Variants in DUSP2 observed in about 807,000 individuals in gnomAD.
DUSP2 encodes the protein dual specificity protein phosphatase 2.
A neutral mutation model predicts 23.3 loss-of-function variants in DUSP2; 20 were observed. The observed-to-expected ratio is 0.86, with a 90% CI of 0.60 to 1.25. DUSP2 has a LOEUF of 1.25. DUSP2 is among the 50% of genes most tolerant of loss of function. DUSP2 has a pLI of 0.00. For missense variants in DUSP2, 435 were observed against 452.6 expected (o/e 0.96, Z 0.35); for synonymous variants, 231 against 209.7 (o/e 1.10, Z -0.88).
chr2:96,144,845 C>G lies in DUSP2; in HGVS notation c.426G>C (p.Leu142=), dbSNP rs1307320115. The G allele has an allele frequency of 6.4e-7, 1 of 1,556,840 alleles. No homozygotes were observed. Among genetic ancestry groups the G allele is most frequent in the Non-Finnish European group, 8.7e-7 (1 of 1,150,906 alleles). Reference sequence around the variant, plus strand: ...GCGCAGGGGCGGGGGCCTCAGAGCACAGATCGGGACAGCAGCCCTGGAAGC... The same window carrying G: ...GCGCAGGGGCGGGGGCCTCAGAGCAGAGATCGGGACAGCAGCCCTGGAAGC... ...FDGFQGCCPD[L]CSEAPAPALP... Residue 142 remains leucine (L), a synonymous_variant, in exon 2 of 4, where the codon CTG becomes CTC. Coordinates refer to ENST00000288943, the MANE Select transcript of DUSP2 (RefSeq NM_004418.4).
Position 96,144,793 on chromosome 2 carries a change from G to T in DUSP2, c.478C>A (p.Arg160Ser). The stretch of plus-strand genomic sequence containing the variant: ...TAGACAGGAGCCCTGGAGTCGGAGC[G>T]GCTGGTTTTGTCCCCTGTTGGCGGC... ...ALPPTGDKTSRSDSRAPVYDQ... is the reference protein window; with the variant it reads ...ALPPTGDKTSSSDSRAPVYDQ... The change falls in exon 2 of 4, where the codon CGC becomes AGC. Residue 160 changes from arginine to serine, a missense_variant. Transcript: ENST00000288943. 2 of 1,586,618 alleles carry T rather than the reference G, an allele frequency of 1.3e-6. No homozygotes were observed. Among genetic ancestry groups the T allele is most frequent in the Non-Finnish European group, 1.7e-6 (2 of 1,167,942 alleles).
At chr2:96,144,579 A>G (rs951077415) in intron 2 of DUSP2, 182 bp downstream of exon 2, 1 of 713,306 alleles carries the variant, frequency 1.4e-6, no homozygotes, top group Non-Finnish European at 2.3e-6. Context: ...GCAAACATAC[A>G]CAGACCCATA....
At position 96,143,812 on chromosome 2, in the gene DUSP2, G is replaced by C. The variant is rs752968740; in HGVS notation, c.*11C>G. The C allele has an allele frequency of 4.3e-6, 7 of 1,611,466 alleles. No individual in the cohort carries two copies. The highest frequency in any genetic ancestry group is 5.9e-6 in the Non-Finnish European group (7 of 1,179,412). ...CAGCACAGTGGGGCAGGCAGGCAGA[G>C]GGGCACCACCTCAGTGACACAGCAC... is the stretch of plus-strand genomic sequence containing the variant. On this transcript the variant is annotated 3_prime_UTR_variant, in exon 4 of 4. Transcript: ENST00000288943.
At position 96,145,102 on chromosome 2, in the gene DUSP2, G is replaced by C. The variant is rs551318349; in HGVS notation, c.253C>G (p.Leu85Val). Residue 85 changes from leucine to valine, a missense_variant, in exon 1 of 4, where the codon CTG (leucine) becomes GTG (valine). Coordinates refer to ENST00000288943, the MANE Select transcript of DUSP2 (RefSeq NM_004418.4). Reference protein sequence around the residue: ...ALRTRLVRGELARAVVLDEGS... With the variant: ...ALRTRLVRGEVARAVVLDEGS... The stretch of plus-strand genomic sequence containing the variant: ...TCGTCCAGCACCACGGCCCGCGCCA[G>C]CTCCCCGCGGACCAGGCGCGTCCGC... The C allele has an allele frequency of 2.1e-6, 3 of 1,430,250 alleles. No individual in the cohort carries two copies. The highest frequency in any genetic ancestry group is 2.9e-5 in the Admixed American group (1 of 34,304). The allele number at this position is 1,430,250 out of a possible 1,614,324, so 88.6% of individuals were successfully genotyped here. A position where few individuals can be genotyped will look rare whatever the true frequency, so the allele number is the denominator to read the frequency against.
In DUSP2 at chr2:96,145,117, G is replaced by A. The variant is rs1446065805; in HGVS notation, c.238C>T (p.Leu80=). 5 of 1,373,846 alleles carry A rather than the reference G, an allele frequency of 3.6e-6. No homozygotes were observed. The Admixed American group carries it at 1.2e-4, about 32-fold the overall frequency. 85.1% of individuals were successfully genotyped at this position (1,373,846 alleles called of 1,614,324 possible). Residue 80 remains leucine (L), a synonymous_variant, in exon 1 of 4, where the codon CTG becomes TTG. Transcript: ENST00000288943. ...LLPDRALRTR[L]VRGELARAVV... The stretch of plus-strand genomic sequence containing the variant: ...GCCCGCGCCAGCTCCCCGCGGACCA[G>A]GCGCGTCCGCAGCGCGCGGTCGGGC...
At position 96,145,408 on chromosome 2, in the gene DUSP2, C is replaced by G; in HGVS notation, c.-54G>C. On this transcript the variant is annotated 5_prime_UTR_variant, in exon 1 of 4. Transcript: ENST00000288943. ...CGGTCTTTCCCGCGTCCCGGGCTCT[C>G]GTGGCGGTGGCGCTGCCCGAGCGGT... 1.5e-6 allele frequency: 2 copies of G among 1,308,588 alleles called. No homozygotes were observed. Among genetic ancestry groups the G allele is most frequent in the Non-Finnish European group, 1.9e-6 (2 of 1,027,432 alleles). 81.1% of individuals were successfully genotyped at this position (1,308,588 alleles called of 1,614,324 possible). A position where few individuals can be genotyped will look rare whatever the true frequency, so the allele number is the denominator to read the frequency against.
chr2:96,143,728 G>C lies in DUSP2; in HGVS notation c.*95C>G. The C allele has an allele frequency of 6.9e-7, 1 of 1,445,544 alleles. No homozygotes were observed. The highest frequency in any genetic ancestry group is 9.4e-7 in the Non-Finnish European group (1 of 1,062,078). 89.5% of individuals were successfully genotyped at this position (1,445,544 alleles called of 1,614,324 possible). ...CTCTGAGGAGGTAGCAGCCCTGCCA[G>C]AGGTGAGGGGACTGTGCTGGCCCAG... is the stretch of plus-strand genomic sequence containing the variant. On this transcript the variant is annotated 3_prime_UTR_variant, in exon 4 of 4. Transcript: ENST00000288943.
Position 96,145,104 on chromosome 2 carries a change from T to A in DUSP2, c.251A>T (p.Glu84Val), listed in dbSNP as rs1682486965. The change falls in exon 1 of 4, where the codon GAG becomes GTG. Residue 84 changes from glutamate (E) to valine (V), a missense_variant. Transcript: ENST00000288943. ...GTCCAGCACCACGGCCCGCGCCAGC[T>A]CCCCGCGGACCAGGCGCGTCCGCAG... The part of the protein sequence containing the change: ...RALRTRLVRG[E>V]LARAVVLDEG... 3.2e-5 allele frequency: 45 copies of A among 1,427,368 alleles called. No individual in the cohort carries two copies. Among genetic ancestry groups the A allele is most frequent in the Non-Finnish European group, 3.9e-5 (43 of 1,101,344 alleles). 88.4% of individuals were successfully genotyped at this position (1,427,368 alleles called of 1,614,324 possible).
In DUSP2 at chr2:96,145,227, A is replaced by G. The variant is rs1682491496; in HGVS notation, c.128T>C (p.Val43Ala). ...CCAAGGCACTGGCCGCGCGGCGCGC[A>G]CGTGGCGCCGGCAGAAGGCCAGGAA... Reference protein sequence around the residue: ...RPFLAFCRRHVRAARPVPWNA... With the variant: ...RPFLAFCRRHARAARPVPWNA... The change falls in exon 1 of 4, where the codon GTG (valine) becomes GCG (alanine). Residue 43 changes from valine to alanine, a missense_variant. Val to Ala is a moderately conservative substitution (Grantham distance 64, BLOSUM62 0). Transcript: ENST00000288943. The G allele has an allele frequency of 1.6e-6, 2 of 1,274,472 alleles. No individual in the cohort carries two copies. The highest frequency in any genetic ancestry group is 5.8e-5 in the South Asian group (2 of 34,426). 78.9% of individuals were successfully genotyped at this position (1,274,472 alleles called of 1,614,324 possible). A position where few individuals can be genotyped will look rare whatever the true frequency, so the allele number is the denominator to read the frequency against.
At chr2:96,144,588 T>G in intron 2 of DUSP2, 173 bp downstream of exon 2, 1 of 735,524 alleles carries the variant, frequency 1.4e-6, no homozygotes, top group Non-Finnish European at 2.2e-6. Flanking sequence ...CACAGACCCA[T>G]ACAGGCACGC....
intron 2 of DUSP2, 189 bp from the exon 3 acceptor site, chr2:96,144,562 T>A (rs1682467791): frequency 2.8e-6 from 2 of 722,814 alleles, no homozygotes; most frequent in Admixed American, 5.7e-5. Context: ...GCTCCCAACA[T>A]ACACATGCAA....
rs1199960770 is a variant in DUSP2, at chr2:96,144,250, G to GGTT, written c.631_633dup (p.Asn211dup). On this transcript the variant is annotated inframe_insertion, in exon 3 of 4. Coordinates refer to ENST00000288943, the MANE Select transcript of DUSP2 (RefSeq NM_004418.4). ...TTGTAGCGGAAAAGGCCCTCAAAGT[G>GGTT]GTTGGGGCAGCTGGCGGACACGTTG... is the stretch of plus-strand genomic sequence containing the variant. 1 of 1,613,974 alleles carries GGTT rather than the reference G, an allele frequency of 6.2e-7. No individual in the cohort carries two copies. Among genetic ancestry groups the GGTT allele is most frequent in the Non-Finnish European group, 8.5e-7 (1 of 1,180,054 alleles).
In DUSP2 at chr2:96,144,392, C is replaced by T. The variant is rs1328368735; in HGVS notation, c.511-19G>A. ...GGCCACCCTGGAGGGAACAGAGGGG[C>T]GGTGAGGCCTTTCCAGCCCAGCCCC... On this transcript the variant is annotated intron_variant, in intron 2 of 3. Transcript: ENST00000288943. 3.1e-6 allele frequency: 5 copies of T among 1,605,220 alleles called. No homozygotes were observed. The highest frequency in any genetic ancestry group is 4.3e-6 in the Non-Finnish European group (5 of 1,173,646).
At position 96,144,209 on chromosome 2, in the gene DUSP2, C is replaced by A. The variant is rs1033196477; in HGVS notation, c.675G>T (p.Glu225Asp). ...GLFRYKSIPVEDNQMVEISAW... is the reference protein window; with the variant it reads ...GLFRYKSIPVDDNQMVEISAW... ...CACTGATCTCCACCATCTGGTTGTC[C>A]TCCACAGGGATACTCTTGTAGCGGA... Residue 225 changes from glutamate to aspartate, a missense_variant, in exon 3 of 4, where the codon GAG becomes GAT. Glu to Asp is a conservative substitution (Grantham distance 45). Coordinates refer to ENST00000288943, the MANE Select transcript of DUSP2 (RefSeq NM_004418.4). The A allele has an allele frequency of 6.2e-7, 1 of 1,614,050 alleles. No individual in the cohort carries two copies. The highest frequency in any genetic ancestry group is 8.5e-7 in the Non-Finnish European group (1 of 1,180,048).
In DUSP2 at chr2:96,143,237, G is replaced by C. The variant is rs1481517647; in HGVS notation, c.*586C>G. 1 of 153,814 alleles carries C rather than the reference G, an allele frequency of 6.5e-6. No individual in the cohort carries two copies. Among genetic ancestry groups the C allele is most frequent in the Non-Finnish European group, 1.4e-5 (1 of 69,016 alleles). 9.5% of individuals were successfully genotyped at this position (153,814 alleles called of 1,614,324 possible). A position where few individuals can be genotyped will look rare whatever the true frequency, so the allele number is the denominator to read the frequency against. ...GTTCTGTATAAATATAAAGTGCTAA[G>C]TTTCCAACCCCTGCCCACAGGGCTA... On this transcript the variant is annotated 3_prime_UTR_variant, in exon 4 of 4. Coordinates refer to ENST00000288943, the MANE Select transcript of DUSP2 (RefSeq NM_004418.4).
rs1247425862 is a variant in DUSP2, at chr2:96,144,031, A to T, written c.737T>A (p.Val246Glu). 1 of 1,613,668 alleles carries T rather than the reference A, an allele frequency of 6.2e-7. No individual in the cohort carries two copies. Among genetic ancestry groups the T allele is most frequent in the Non-Finnish European group, 8.5e-7 (1 of 1,179,982 alleles). Residue 246 changes from valine to glutamate, a missense_variant, in exon 4 of 4, where the codon GTG becomes GAG. Transcript: ENST00000288943. The part of the protein sequence containing the change: ...FQEAIGFIDW[V>E]KNSGGRVLVH... The stretch of plus-strand genomic sequence containing the variant: ...CAGCACCCGGCCTCCGCTGTTCTTC[A>T]CCCAGTCTGCAAGGGAGATGGGGGA...
rs761246392 is a variant in DUSP2, at chr2:96,145,198, C to T, written c.157G>A (p.Ala53Thr). ...CCGCGCGCGCGGCGCCGCAGCAGCGCGTTCCAAGGCACTGGCCGCGCGGCG... is the reference window on the plus strand; with the variant it reads ...CCGCGCGCGCGGCGCCGCAGCAGCGTGTTCCAAGGCACTGGCCGCGCGGCG... ...VRAARPVPWN[A>T]LLRRRARGPP... Residue 53 changes from alanine to threonine, a missense_variant, in exon 1 of 4, where the codon GCG (alanine) becomes ACG (threonine). Coordinates refer to ENST00000288943, the MANE Select transcript of DUSP2 (RefSeq NM_004418.4). The T allele has an allele frequency of 1.3e-4, 172 of 1,279,980 alleles. No individual in the cohort carries two copies. The Middle Eastern group carries it at 1.8e-3, about 13-fold the overall frequency. 79.3% of individuals were successfully genotyped at this position (1,279,980 alleles called of 1,614,324 possible).
chr2:96,144,518 C>T, intron 2 of DUSP2, 145 bp from the exon 3 acceptor site: 1 of 806,118 alleles, frequency 1.2e-6, no homozygotes, highest in Admixed American at 2.7e-5. Context: ...CAGGAATGTG[C>T]GGAGGACACA....
rs1471081244 is a variant in DUSP2, at chr2:96,144,194, C to T, written c.690G>A (p.Val230=). 1.9e-6 allele frequency: 3 copies of T among 1,614,158 alleles called. No homozygotes were observed. The highest frequency in any genetic ancestry group is 2.2e-5 in the South Asian group (2 of 91,086). Residue 230 remains valine, a synonymous_variant, in exon 3 of 4, where the codon GTG becomes GTA. Coordinates refer to ENST00000288943, the MANE Select transcript of DUSP2 (RefSeq NM_004418.4). ...CCTCCTGGAACCAGGCACTGATCTC[C>T]ACCATCTGGTTGTCCTCCACAGGGA... The part of the protein sequence containing the change: ...KSIPVEDNQM[V]EISAWFQEAI...
Sources: allele counts gnomAD v4.1 joint callset, GRCh38; gene constraint gnomAD v4.1.1; transcripts MANE v1.5; gene names NCBI Gene and HGNC (gene_info 2026-07-23, HGNC 2026-07-21).